Variants in AP3B1 observed in about 807,000 individuals in gnomAD.
The protein encoded by AP3B1 is adaptor related protein complex 3 subunit beta 1, also known as AP-3 complex subunit beta-1.
In AP3B1, 61 loss-of-function variants were observed where a neutral mutation model predicts 132.5. That is an observed-to-expected ratio of 0.46 (90% CI 0.37 to 0.57). The LOEUF (loss-of-function observed/expected upper bound fraction) is 0.57, where lower values mean the gene tolerates loss of function less well. Among genes scored for constraint, AP3B1 ranks in the 20% least tolerant of loss-of-function variants. The probability of loss-of-function intolerance (pLI) is 0.00; values close to 1 mark genes in which losing one functional copy is unlikely to be tolerated. For missense variants in AP3B1, 1,120 were observed against 1,289.4 expected, an observed-to-expected ratio of 0.87 and a Z score of 2.01; for synonymous variants, 388 against 438.3, an observed-to-expected ratio of 0.89 and a Z score of 1.43.
At chr5:78,066,645 C>T (rs1365663076) in intron 22 of AP3B1, among the ~76,000 whole-genome samples, 6 of 152,062 alleles carry the variant, frequency 3.9e-5, no homozygotes, top group Non-Finnish European at 7.4e-5. Flanking sequence ...ACAAACAAAA[C>T]CTCCAAGAAT....
At chr5:78,043,530 A>G in intron 22 of AP3B1, 1 of 392,612 alleles carries the variant, frequency 2.5e-6, no homozygotes, top group Non-Finnish European at 5.1e-6. Flanking sequence ...ATAGGCTATG[A>G]ACTGTAAGTG....
intron 22 of AP3B1, among the ~76,000 whole-genome samples, chr5:78,081,115 A>G (rs931982468): frequency 1.1e-4 from 16 of 152,126 alleles, no homozygotes; most frequent in African/African-American, 3.6e-4. Flanking sequence ...CCAATAACCA[A>G]TTCCCTAGTC....
intron 14 of AP3B1, among the ~76,000 whole-genome samples, 165 bp from the exon 15 acceptor site, chr5:78,141,484 T>C (rs1452763644): frequency 6.6e-6 from 1 of 152,174 alleles, no homozygotes; most frequent in East Asian, 1.9e-4. Flanking sequence ...TATCAAAAAA[T>C]AAACACATAG....
At chr5:78,025,362 TG>T (rs1747297569) in intron 24 of AP3B1, among the ~76,000 whole-genome samples, 1 of 152,168 alleles carries the variant, frequency 6.6e-6, no homozygotes, top group Non-Finnish European at 1.5e-5. Flanking sequence ...CATCTATGAA[TG>T]TCTAGCTGCT....
Position 78,035,486 on chromosome 5 carries a change from T to C in AP3B1, c.2810-1041A>G, listed in dbSNP as rs551127867. Among the ~76,000 whole-genome samples the C allele has an allele frequency of 3.5e-4, 53 of 152,142 alleles. 1 individual carries two copies. The highest frequency in any genetic ancestry group is 5.9e-4 in the Admixed American group (9 of 15,290). ...CTTCTTGGTAAGTATGATTTGCCATTGAATGCTAACCACGACAGAGATGAT... is the reference window on the plus strand; with the variant it reads ...CTTCTTGGTAAGTATGATTTGCCATCGAATGCTAACCACGACAGAGATGAT... On this transcript the variant is annotated intron_variant, in intron 23 of 26. Transcript: ENST00000255194.
At chr5:78,285,564 A>C (rs1749238777) in intron 1 of AP3B1, among the ~76,000 whole-genome samples, 1 of 152,034 alleles carries the variant, frequency 6.6e-6, no homozygotes, top group Admixed American at 6.6e-5. Flanking sequence ...TCCTCCTCTA[A>C]GCTCCACACT....
intron 24 of AP3B1, among the ~76,000 whole-genome samples, chr5:78,028,187 G>A (rs1266794990): frequency 6.7e-6 from 1 of 149,572 alleles, no homozygotes; most frequent in African/African-American, 2.5e-5. Context: ...GCTGGGTGCT[G>A]TGGCTCACGC....
chr5:78,100,046 C>G (rs1356796149), intron 21 of AP3B1, among the ~76,000 whole-genome samples: 1 of 152,122 alleles, frequency 6.6e-6, no homozygotes, highest in Non-Finnish European at 1.5e-5. Flanking sequence ...TGATACCAAA[C>G]CTCAAAATCT....
chr5:78,215,199 T>C (rs1484234237), intron 7 of AP3B1, among the ~76,000 whole-genome samples: 1 of 151,944 alleles, frequency 6.6e-6, no homozygotes, highest in African/African-American at 2.4e-5. Context: ...ACAGGAGCTT[T>C]TTAAAAATCT....
At chr5:78,095,901 C>T (rs1441675611) in intron 21 of AP3B1, among the ~76,000 whole-genome samples, 1 of 152,138 alleles carries the variant, frequency 6.6e-6, no homozygotes, top group African/African-American at 2.4e-5. Flanking sequence ...AACACTATAT[C>T]CTATATTGAG....
intron 21 of AP3B1, among the ~76,000 whole-genome samples, 189 bp from the exon 22 acceptor site, chr5:78,089,688 A>G (rs1420376462): frequency 6.6e-6 from 1 of 152,218 alleles, no homozygotes; most frequent in African/African-American, 2.4e-5. Flanking sequence ...TTAGCTTTCA[A>G]AACATAATGG....
chr5:78,279,105 A>C, intron 1 of AP3B1, among the ~76,000 whole-genome samples: 1 of 152,220 alleles, frequency 6.6e-6, no homozygotes, highest in Admixed American at 6.5e-5. Context: ...AGCAAGATAC[A>C]TAGAGAATAG....
In AP3B1 at chr5:78,235,582, G is replaced by C. The variant is rs1201048333; in HGVS notation, c.279+5280C>G. On this transcript the variant is annotated intron_variant, in intron 3 of 26. Coordinates refer to ENST00000255194, the MANE Select transcript of AP3B1 (RefSeq NM_003664.5). Reference sequence around the variant, plus strand: ...GAGGCCTATGCACTGACAGGCTGCAGGTGTGCAAAGAAAGCCTACCTTCCC... The same window carrying C: ...GAGGCCTATGCACTGACAGGCTGCACGTGTGCAAAGAAAGCCTACCTTCCC... Among the ~76,000 whole-genome samples, 4 of 152,204 alleles carry C rather than the reference G, an allele frequency of 2.6e-5. No individual in the cohort carries two copies. In the East Asian group the frequency reaches 7.7e-4, roughly 29 times the overall value.
At position 78,038,594 on chromosome 5, in the gene AP3B1, C is replaced by T. The variant is rs1485580682; in HGVS notation, c.2809+449G>A. ...CTCAGTCTTCACTCCCTTCACTTTC[C>T]CATAAATTGAAAAGTGAAGGGAAAC... On this transcript the variant is annotated intron_variant, in intron 23 of 26. Coordinates refer to ENST00000255194, the MANE Select transcript of AP3B1 (RefSeq NM_003664.5). 3.3e-5 allele frequency among the ~76,000 whole-genome samples: 5 copies of T among 152,290 alleles called. No individual in the cohort carries two copies. The East Asian group carries it at 9.6e-4, about 29-fold the overall frequency.
At chr5:78,183,321 T>C (rs1313836772) in intron 7 of AP3B1, among the ~76,000 whole-genome samples, 2 of 152,154 alleles carry the variant, frequency 1.3e-5, no homozygotes, top group Non-Finnish European at 2.9e-5. Flanking sequence ...CAAAGCCAGT[T>C]AACCTGAAGG....
intron 8 of AP3B1, among the ~76,000 whole-genome samples, chr5:78,177,708 G>T (rs1284919642): frequency 6.6e-6 from 1 of 151,888 alleles, no homozygotes; most frequent in Non-Finnish European, 1.5e-5. Flanking sequence ...GCCCTAAATC[G>T]AATGAACGTG....
chr5:78,118,810 A>G (rs1287075783), intron 17 of AP3B1, among the ~76,000 whole-genome samples: 1 of 152,226 alleles, frequency 6.6e-6, no homozygotes, highest in African/African-American at 2.4e-5. Flanking sequence ...CCTGTCTGAC[A>G]GCTTTGAAGA....
chr5:78,198,677 T>A (rs775205177), intron 7 of AP3B1, among the ~76,000 whole-genome samples: 56 of 152,202 alleles, frequency 3.7e-4, no homozygotes, highest in Non-Finnish European at 5.3e-4. Context: ...TCAGAGGGGA[T>A]GCAAACATTC....
At chr5:78,072,495 A>G (rs1337594137) in intron 22 of AP3B1, among the ~76,000 whole-genome samples, 1 of 152,080 alleles carries the variant, frequency 6.6e-6, no homozygotes, top group Non-Finnish European at 1.5e-5. Context: ...CTGAATTGGA[A>G]TTTGCTGAAA....
Sources: allele counts gnomAD v4.1 joint callset (sites outside exome capture counted in the v4.1 genomes callset), GRCh38; gene constraint gnomAD v4.1.1; transcripts MANE v1.5; gene names NCBI Gene and HGNC (gene_info 2026-07-23, HGNC 2026-07-21).